The following KIRREL3 variants were observed in gnomAD, a reference collection of about 807,000 sequenced individuals.
The protein encoded by KIRREL3 is kin of IRRE-like protein 3.
A neutral mutation model predicts 89.7 loss-of-function variants in KIRREL3; 36 were observed. That is an observed-to-expected ratio of 0.40 (90% CI 0.31 to 0.53). The LOEUF (loss-of-function observed/expected upper bound fraction) is 0.53, where lower values mean the gene tolerates loss of function less well. Among genes scored for constraint, KIRREL3 ranks in the 20% least tolerant of loss-of-function variants. The probability of loss-of-function intolerance (pLI) is 0.49; values close to 1 mark genes in which losing one functional copy is unlikely to be tolerated. For missense variants in KIRREL3, 864 were observed against 1,056.6 expected (o/e 0.82, Z 2.53); for synonymous variants, 445 against 441.4 (o/e 1.01, Z -0.10).
chr11:126,703,817 G>A lies in KIRREL3; in HGVS notation c.56-140905C>T, dbSNP rs952680397. 6.6e-6 allele frequency among the ~76,000 whole-genome samples: 1 copy of A among 152,176 alleles called. No individual in the cohort carries two copies. Among genetic ancestry groups the A allele is most frequent in the African/African-American group, 2.4e-5 (1 of 41,448 alleles). On this transcript the variant is annotated intron_variant, in intron 1 of 16. Transcript: ENST00000525144. The surrounding 1 kb of genome is among the most constrained non-coding windows in gnomAD (Gnocchi z 4.6). ...AATGTGGTTGGATCCTTCTCTCTTG[G>A]CTCTGTCATCCTTGCCTTGGGATGT... is the stretch of plus-strand genomic sequence containing the variant.
rs929145205 is a variant in KIRREL3, at chr11:126,808,343, T to C, written c.55+192112A>G. 6.6e-6 allele frequency among the ~76,000 whole-genome samples: 1 copy of C among 152,218 alleles called. No individual in the cohort carries two copies. Among genetic ancestry groups the C allele is most frequent in the Non-Finnish European group, 1.5e-5 (1 of 68,044 alleles). On this transcript the variant is annotated intron_variant, in intron 1 of 16. Transcript: ENST00000525144. This position sits in a 1 kb window ranked among gnomAD's most constrained non-coding sequence, Gnocchi z 4.1. The stretch of plus-strand genomic sequence containing the variant: ...GCAAGCTACAATGGGGGTGCAGCTT[T>C]CAAGGAGTCATTTCAGCAATTTAGT...
Position 126,425,013 on chromosome 11 carries a change from T to C in KIRREL3, c.1904A>G (p.Asn635Ser), listed in dbSNP as rs761228673. ...GAAGGTGTTGACGCTGTAGTAGCCA[T>C]TGGTGGGGTCCTGGATGGGCGAGAG... is the stretch of plus-strand genomic sequence containing the variant. Reference protein sequence around the residue: ...KEFQNLKDPTNGYYSVNTFKE... With the variant: ...KEFQNLKDPTSGYYSVNTFKE... Residue 635 changes from asparagine (N) to serine (S), a missense_variant, in exon 17 of 17, where the codon AAT becomes AGT. Asn to Ser is a conservative substitution (Grantham distance 46). Transcript: ENST00000525144. 6.5e-7 allele frequency: 1 copy of C among 1,538,686 alleles called. No homozygotes were observed. The highest frequency in any genetic ancestry group is 1.9e-5 in the Admixed American group (1 of 52,118).
chr11:126,791,399 C>T lies in KIRREL3; in HGVS notation c.55+209056G>A, dbSNP rs1015845582. 5.9e-5 allele frequency among the ~76,000 whole-genome samples: 9 copies of T among 152,236 alleles called. No homozygotes were observed. Among genetic ancestry groups the T allele is most frequent in the African/African-American group, 9.6e-5 (4 of 41,466 alleles). The stretch of plus-strand genomic sequence containing the variant: ...TACCCGCTTCCCAGGCTTCTGCTCA[C>T]GGGAGCTTCAGCTTGGCCTCAGCTT... On this transcript the variant is annotated intron_variant, in intron 1 of 16. Coordinates refer to ENST00000525144, the MANE Select transcript of KIRREL3 (RefSeq NM_032531.4). The surrounding 1 kb of genome is among the most constrained non-coding windows in gnomAD (Gnocchi z 4.8).
In KIRREL3 at chr11:126,571,766, C is replaced by T. The variant is rs141842936; in HGVS notation, c.56-8854G>A. Among the ~76,000 whole-genome samples, 16 of 151,508 alleles carry T rather than the reference C, an allele frequency of 1.1e-4. No homozygotes were observed. Among genetic ancestry groups the T allele is most frequent in the African/African-American group, 1.9e-4 (8 of 41,210 alleles). Reference sequence around the variant, plus strand: ...TAATCCGTTTGTGAGAGGGGTGGGGCGGGGGGATGTTAAATAATGTTGGTT... The same window carrying T: ...TAATCCGTTTGTGAGAGGGGTGGGGTGGGGGGATGTTAAATAATGTTGGTT... On this transcript the variant is annotated intron_variant, in intron 1 of 16. Transcript: ENST00000525144. This position sits in a 1 kb window ranked among gnomAD's most constrained non-coding sequence, Gnocchi z 7.7.
At chr11:126,923,124 TTCTTC>T (rs1174200670) in intron 1 of KIRREL3, among the ~76,000 whole-genome samples, 2 of 42,112 alleles carry the variant, frequency 4.7e-5, no homozygotes, top group Non-Finnish European at 8.8e-5. Flanking sequence ...CTCCTTCTCC[TTCTTC>T]TCTTCTTCTT....
intron 1 of KIRREL3, among the ~76,000 whole-genome samples, chr11:126,838,273 T>C (rs190877310): frequency 1.4e-4 from 22 of 152,356 alleles, no homozygotes; most frequent in African/African-American, 5.1e-4. Flanking sequence ...CTTGTGGTTT[T>C]TATCTCTTAG....
chr11:126,918,669 T>A lies in KIRREL3; in HGVS notation c.55+81786A>T, dbSNP rs1390721078. 6.6e-6 allele frequency among the ~76,000 whole-genome samples: 1 copy of A among 152,236 alleles called. No homozygotes were observed. Among genetic ancestry groups the A allele is most frequent in the Non-Finnish European group, 1.5e-5 (1 of 68,038 alleles). On this transcript the variant is annotated intron_variant, in intron 1 of 16. Transcript: ENST00000525144. This position sits in a 1 kb window ranked among gnomAD's most constrained non-coding sequence, Gnocchi z 6.5. Reference sequence around the variant, plus strand: ...GGATTGCAAATACATAGAAAGGCTATTCCATTCTTCATCTCTGTGACATGG... The same window carrying A: ...GGATTGCAAATACATAGAAAGGCTAATCCATTCTTCATCTCTGTGACATGG...
At position 126,535,163 on chromosome 11, in the gene KIRREL3, G is replaced by A. The variant is rs558324938; in HGVS notation, c.134-8476C>T. 6.1e-4 allele frequency among the ~76,000 whole-genome samples: 93 copies of A among 152,128 alleles called. No individual in the cohort carries two copies. Among genetic ancestry groups the A allele is most frequent in the Admixed American group, 1.8e-3 (28 of 15,264 alleles). ...GTGGGGCTGGATGTCTTCCCCAGTT[G>A]TTTCCCCACCCTCCTCCATCGGGAC... On this transcript the variant is annotated intron_variant, in intron 2 of 16. Coordinates refer to ENST00000525144, the MANE Select transcript of KIRREL3 (RefSeq NM_032531.4). This position sits in a 1 kb window ranked among gnomAD's most constrained non-coding sequence, Gnocchi z 4.5.
rs927607508 is a variant in KIRREL3 at position 126,763,046 on chromosome 11, G to T, written c.56-200134C>A. Among the ~76,000 whole-genome samples the T allele has an allele frequency of 2.0e-5, 3 of 152,168 alleles. No individual in the cohort carries two copies. Among genetic ancestry groups the T allele is most frequent in the Admixed American group, 6.5e-5 (1 of 15,282 alleles). On this transcript the variant is annotated intron_variant, in intron 1 of 16. Coordinates refer to ENST00000525144, the MANE Select transcript of KIRREL3 (RefSeq NM_032531.4). This position sits in a 1 kb window ranked among gnomAD's most constrained non-coding sequence, Gnocchi z 4.7. ...GGATTCAACTTTGAGAGCATAACTA[G>T]GTAGGTAGAGAGGGGCTATGCCCAG...
intron 2 of KIRREL3, among the ~76,000 whole-genome samples, chr11:126,560,086 T>C (rs1461431449): frequency 6.6e-6 from 1 of 152,230 alleles, no homozygotes; most frequent in Non-Finnish European, 1.5e-5. Flanking sequence ...AATAACTGAA[T>C]GATCACTCAT....
intron 5 of KIRREL3, among the ~76,000 whole-genome samples, chr11:126,467,941 T>G (rs1956777928): frequency 6.6e-6 from 1 of 152,134 alleles, no homozygotes; most frequent in Admixed American, 6.5e-5. Flanking sequence ...GAGGGCCCTA[T>G]GCATGTGGGC....
rs935758911 is a variant in KIRREL3, at chr11:126,440,958, T to TC, written c.1253-410dup. The TC allele has an allele frequency of 2.0e-4, 40 of 200,032 alleles. No individual in the cohort carries two copies. In the South Asian group the frequency reaches 3.2e-3, roughly 16 times the overall value. The allele number at this position is 200,032 out of a possible 1,614,324, so 12.4% of individuals were successfully genotyped here. On this transcript the variant is annotated intron_variant, in intron 10 of 16. Coordinates refer to ENST00000525144, the MANE Select transcript of KIRREL3 (RefSeq NM_032531.4). The stretch of plus-strand genomic sequence containing the variant: ...GGGAGGTGTCTAGATGAAGGAAGAC[T>TC]CCCCCGCCTCAGCCAGCGGCACCCC...
chr11:126,505,542 GC>G (rs1188629842), intron 4 of KIRREL3, among the ~76,000 whole-genome samples: 8 of 151,534 alleles, frequency 5.3e-5, no homozygotes, highest in Non-Finnish European at 8.8e-5. Flanking sequence ...TTGCACTTCA[GC>G]CTGGGCAACA....
At chr11:126,922,918 G>C (rs1353325961) in intron 1 of KIRREL3, among the ~76,000 whole-genome samples, 1 of 152,194 alleles carries the variant, frequency 6.6e-6, no homozygotes, top group Non-Finnish European at 1.5e-5. Flanking sequence ...TCTTGCCGAG[G>C]TTGCGAAGGG....
chr11:126,731,092 C>T (rs2134194855), intron 1 of KIRREL3, among the ~76,000 whole-genome samples: 1 of 152,314 alleles, frequency 6.6e-6, no homozygotes, highest in African/African-American at 2.4e-5. Flanking sequence ...CCCCTTCAAG[C>T]CACTCTCTTT....
Position 126,467,644 on chromosome 11 carries a change from T to TAA in KIRREL3, c.592-4339_592-4338dup, listed in dbSNP as rs1406869571. 1.2e-3 allele frequency among the ~76,000 whole-genome samples: 173 copies of TAA among 150,230 alleles called. 1 individual carries two copies. The highest frequency in any genetic ancestry group is 3.5e-3 in the Middle Eastern group (1 of 288). On this transcript the variant is annotated intron_variant, in intron 5 of 16. Coordinates refer to ENST00000525144, the MANE Select transcript of KIRREL3 (RefSeq NM_032531.4). ...TGCTGGGTCCCTTTTTTTTTTTTTTTAAAAAATCATGGCTCTGCTTCCCCT... is the reference window on the plus strand; with the variant it reads ...TGCTGGGTCCCTTTTTTTTTTTTTTTAAAAAAAATCATGGCTCTGCTTCCCCT...
chr11:126,801,012 T>C (rs1337644736), intron 1 of KIRREL3, among the ~76,000 whole-genome samples: 2 of 152,176 alleles, frequency 1.3e-5, no homozygotes, highest in African/African-American at 4.8e-5. Flanking sequence ...CTGATATTTG[T>C]GGTGCATGCG....
intron 1 of KIRREL3, among the ~76,000 whole-genome samples, chr11:126,975,038 G>A (rs1430090722): frequency 1.3e-5 from 2 of 152,026 alleles, no homozygotes; most frequent in Non-Finnish European, 2.9e-5. Flanking sequence ...CTCGAACTCT[G>A]GAGCTCAAGC....
rs1425609021 is a variant in KIRREL3, at chr11:126,489,159, G to A, written c.434-15693C>T. Among the ~76,000 whole-genome samples, 1 of 152,178 alleles carries A rather than the reference G, an allele frequency of 6.6e-6. No homozygotes were observed. Among genetic ancestry groups the A allele is most frequent in the Non-Finnish European group, 1.5e-5 (1 of 68,028 alleles). On this transcript the variant is annotated intron_variant, in intron 4 of 16. Transcript: ENST00000525144. The surrounding 1 kb of genome is among the most constrained non-coding windows in gnomAD (Gnocchi z 5.5). Reference sequence around the variant, plus strand: ...ACCTCAGCATGGGGCTGAGCAGGACGGAAGCTGTAGATGGATGCGCTGCGT... The same window carrying A: ...ACCTCAGCATGGGGCTGAGCAGGACAGAAGCTGTAGATGGATGCGCTGCGT...
Sources: allele counts gnomAD v4.1 joint callset (sites outside exome capture counted in the v4.1 genomes callset), GRCh38; gene constraint gnomAD v4.1.1; non-coding constraint Gnocchi (gnomAD v3.1); transcripts MANE v1.5; gene names NCBI Gene and HGNC (gene_info 2026-07-23, HGNC 2026-07-21).